Variants in TRIM14 observed in about 807,000 individuals in gnomAD.
TRIM14 encodes the protein tripartite motif containing 14.
A neutral mutation model predicts 44.5 loss-of-function variants in TRIM14; 28 were observed. That is an observed-to-expected ratio of 0.63 (90% CI 0.47 to 0.86). The LOEUF (loss-of-function observed/expected upper bound fraction) is 0.86. Ranked by LOEUF, TRIM14 falls within the 40% of genes least tolerant of loss-of-function variation. TRIM14 has a pLI of 0.00. For missense variants in TRIM14, 607 were observed against 611.1 expected (o/e 0.99, Z 0.07); for synonymous variants, 299 against 269.2 (o/e 1.11, Z -1.08).
At chr9:98,083,100 T>C (rs1410712909), downstream of TRIM14, 1 of 1,586,286 alleles carries the variant, frequency 6.3e-7, no homozygotes, top group African/African-American at 1.3e-5. Flanking sequence ...TTGCTGATGC[T>C]GTCAGGTGTG....
intron 6 of TRIM14, among the ~76,000 whole-genome samples, chr9:98,070,112 CTATTTTATTTTA>C (rs984672287): frequency 9.9e-5 from 15 of 152,252 alleles, no homozygotes; most frequent in Non-Finnish European, 1.6e-4. Context: ...AAAGATTCCT[CTATTTTATTTTA>C]TATTTTATTT....
rs1825778684 is a variant in TRIM14 at position 98,086,442 on chromosome 9, A to T, written c.*1028T>A. ...GCTCTTCTGTTACTCAGTGATAGGC[A>T]CCTGCTGGTTATTAATTCACTGCTT... On this transcript the variant is annotated 3_prime_UTR_variant, in exon 6 of 6. Transcript: ENST00000341469. 1 of 152,254 alleles carries T rather than the reference A, an allele frequency of 6.6e-6. No individual in the cohort carries two copies. 9.4% of individuals were successfully genotyped at this position (152,254 alleles called of 1,614,324 possible). A position where few individuals can be genotyped will look rare whatever the true frequency, so the allele number is the denominator to read the frequency against.
chr9:98,106,786 C>T (rs1259619136), intron 2 of TRIM14, among the ~76,000 whole-genome samples: 1 of 151,232 alleles, frequency 6.6e-6, no homozygotes, highest in East Asian at 1.9e-4. Flanking sequence ...AACACAATTC[C>T]TATCAAAATC....
intron 6 of TRIM14, chr9:98,076,781 GC>G: frequency 1.5e-6 from 1 of 654,280 alleles, no homozygotes; most frequent in Non-Finnish European, 2.6e-6. Flanking sequence ...ACAAATCTTT[GC>G]CTGCTTTCAA....
chr9:98,060,858 C>T, the TRIM14 span: 5 of 1,614,176 alleles, frequency 3.1e-6, no homozygotes, highest in Admixed American at 1.7e-5. Context: ...TTGGAGAGGC[C>T]ATACACCTCG....
downstream of TRIM14, among the ~76,000 whole-genome samples, chr9:98,080,539 G>A (rs1014568778): frequency 1.4e-4 from 21 of 152,308 alleles, no homozygotes; most frequent in African/African-American, 4.6e-4. Flanking sequence ...GGTGTATTGT[G>A]CAATGTGAAA....
At chr9:98,105,612 A>G (rs944664297) in intron 2 of TRIM14, among the ~76,000 whole-genome samples, 2 of 152,148 alleles carry the variant, frequency 1.3e-5, no homozygotes, top group Non-Finnish European at 2.9e-5. Context: ...AAACAAACAA[A>G]CAAAGTAAAT....
At chr9:98,054,134 T>G in the TRIM14 span, among the ~76,000 whole-genome samples, 10 of 152,198 alleles carry the variant, frequency 6.6e-5, no homozygotes, top group East Asian at 1.9e-3. Context: ...TCAGGCCTGT[T>G]AAGCTTTTTT....
At chr9:98,056,803 GC>G in the TRIM14 span, 1 of 1,611,144 alleles carries the variant, frequency 6.2e-7, no homozygotes, top group Non-Finnish European at 8.5e-7. Context: ...ACCCCGAGCC[GC>G]TGCAATGCCG....
Position 98,087,972 on chromosome 9 carries a change from A to C in TRIM14, c.827T>G (p.Met276Arg). 6.4e-7 allele frequency: 1 copy of C among 1,560,892 alleles called. No individual in the cohort carries two copies. ...ARTPTLDPDT[M>R]HARLRLSADR... is the part of the protein sequence containing the mutation. ...GGCGGACAGGCGCAGGCGCGCGTGC[A>C]TCGTGTCAGGATCCAGCGTGGGCGT... The change falls in exon 6 of 6, where the codon ATG becomes AGG. Residue 276 changes from methionine (M) to arginine (R), a missense_variant. Met to Arg is a moderately conservative substitution (Grantham distance 91). Coordinates refer to ENST00000341469, the MANE Select transcript of TRIM14 (RefSeq NM_014788.4).
rs1407885064 is a variant in TRIM14, at chr9:98,099,411, C to T, written c.537+520G>A. 3.4e-5 allele frequency among the ~76,000 whole-genome samples: 5 copies of T among 148,098 alleles called. No individual in the cohort carries two copies. The East Asian group carries it at 1.0e-3, about 30-fold the overall frequency. ...AGGTTGTGGTGAGCTGAGATCGCAC[C>T]ACTGTACTCCGGCCTGGGCAACAAG... On this transcript the variant is annotated intron_variant, in intron 3 of 5. Coordinates refer to ENST00000341469, the MANE Select transcript of TRIM14 (RefSeq NM_014788.4).
chr9:98,089,731 C>T (rs532321368), intron 5 of TRIM14, among the ~76,000 whole-genome samples: 1 of 152,304 alleles, frequency 6.6e-6, no homozygotes, highest in East Asian at 1.9e-4. Flanking sequence ...AGCTCAACCA[C>T]TTGGTAGAAA....
intron 5 of TRIM14, 48 bp downstream of exon 5, chr9:98,091,861 C>T (rs1587947748): frequency 7.5e-7 from 1 of 1,341,462 alleles, no homozygotes; most frequent in Non-Finnish European, 9.9e-7. Flanking sequence ...ACCCAACATC[C>T]CACCATCTCC....
At chr9:98,056,740 G>A in the TRIM14 span, 5 of 1,564,418 alleles carry the variant, frequency 3.2e-6, no homozygotes, top group Non-Finnish European at 4.3e-6. Context: ...TCACAGAACA[G>A]AGTAGAGGCG....
At chr9:98,055,419 A>C in the TRIM14 span, among the ~76,000 whole-genome samples, 1 of 152,198 alleles carries the variant, frequency 6.6e-6, no homozygotes, top group African/African-American at 2.4e-5. Flanking sequence ...TAGAAAGTCA[A>C]GGCTGTCTTC....
chr9:98,107,708 C>G (rs1320918107), intron 2 of TRIM14, among the ~76,000 whole-genome samples: 1 of 151,910 alleles, frequency 6.6e-6, no homozygotes, highest in Non-Finnish European at 1.5e-5. Context: ...GCTCTGTCAT[C>G]CAGGCTGGAG....
At chr9:98,044,368 C>CT in the TRIM14 span, among the ~76,000 whole-genome samples, 1,507 of 110,362 alleles carry the variant, frequency 0.014, 15 homozygotes, top group African/African-American at 0.025. Context: ...TGCCCTTTCT[C>CT]TTTTTTTTTT....
chr9:98,105,131 T>C (rs1272561463), intron 2 of TRIM14, among the ~76,000 whole-genome samples: 3 of 152,226 alleles, frequency 2.0e-5, no homozygotes, highest in African/African-American at 7.2e-5. Flanking sequence ...GGCTGGTTCA[T>C]GTCCCCCCAT....
At chr9:98,051,785 A>G in the TRIM14 span, among the ~76,000 whole-genome samples, 1 of 152,128 alleles carries the variant, frequency 6.6e-6, no homozygotes, top group Non-Finnish European at 1.5e-5. Flanking sequence ...AAATGCTACC[A>G]GAGAAGATAG....
Sources: allele counts gnomAD v4.1 joint callset (sites outside exome capture counted in the v4.1 genomes callset), GRCh38; gene constraint gnomAD v4.1.1; transcripts MANE v1.5; gene names NCBI Gene and HGNC (gene_info 2026-07-23, HGNC 2026-07-21).